The following SLC16A10 variants were observed in gnomAD, a reference collection of about 807,000 sequenced individuals.
SLC16A10 encodes solute carrier family 16 member 10.
SLC16A10 carries 27 observed loss-of-function variants against 40.0 expected under a neutral mutation model. The ratio of observed to expected loss-of-function variants is 0.67; its 90% CI spans 0.50 to 0.93. SLC16A10 has a LOEUF of 0.93. Among genes scored for constraint, SLC16A10 ranks in the 40% least tolerant of loss-of-function variants. SLC16A10 has a pLI of 0.00. For synonymous variants in SLC16A10, 213 were observed against 249.8 expected, an observed-to-expected ratio of 0.85 and a Z score of 1.39; for missense variants, 529 against 658.2, an observed-to-expected ratio of 0.80 and a Z score of 2.15.
chr6:111,186,505 C>T (rs1772900340), intron 3 of SLC16A10, among the ~76,000 whole-genome samples: 1 of 152,104 alleles, frequency 6.6e-6, no homozygotes, highest in African/African-American at 2.4e-5. Flanking sequence ...TGGCTTTTGC[C>T]TGATATTTAC....
Position 111,222,705 on chromosome 6 carries a change from C to T in SLC16A10, c.*470C>T, listed in dbSNP as rs910274138. 1 of 159,942 alleles carries T rather than the reference C, an allele frequency of 6.3e-6. No homozygotes were observed. Among genetic ancestry groups the T allele is most frequent in the African/African-American group, 2.4e-5 (1 of 41,448 alleles). 9.9% of individuals were successfully genotyped at this position (159,942 alleles called of 1,614,324 possible). A position where few individuals can be genotyped will look rare whatever the true frequency, so the allele number is the denominator to read the frequency against. On this transcript the variant is annotated 3_prime_UTR_variant, in exon 6 of 6. Coordinates refer to ENST00000368851, the MANE Select transcript of SLC16A10 (RefSeq NM_018593.5). ...TTTAAGCCTGGGTTCTAGATAATAC[C>T]AGATCTACCTAAACCTCAAGTCTAT...
At chr6:111,165,913 C>G (rs557713498) in intron 1 of SLC16A10, among the ~76,000 whole-genome samples, 2 of 152,308 alleles carry the variant, frequency 1.3e-5, no homozygotes, top group South Asian at 4.1e-4. Context: ...CACGTGGTTA[C>G]AAGGTCAAGC....
intron 1 of SLC16A10, among the ~76,000 whole-genome samples, chr6:111,108,350 A>T (rs1371602822): frequency 1.3e-5 from 2 of 151,942 alleles, no homozygotes; most frequent in Non-Finnish European, 2.9e-5. Context: ...GCTTTATCTG[A>T]CTTCTTTTTC....
At chr6:111,152,736 C>T (rs993430714) in intron 1 of SLC16A10, among the ~76,000 whole-genome samples, 13 of 152,030 alleles carry the variant, frequency 8.6e-5, no homozygotes, top group African/African-American at 1.9e-4. Context: ...TATTGTGGAC[C>T]GAGGGGATAG....
intron 3 of SLC16A10, among the ~76,000 whole-genome samples, chr6:111,200,928 G>A (rs73765934): frequency 0.014 from 2,167 of 152,298 alleles, 49 homozygotes; most frequent in African/African-American, 0.05. Flanking sequence ...GGTATGAATA[G>A]CAGTGAGTAA....
At chr6:111,150,407 T>A (rs1225014548) in intron 1 of SLC16A10, among the ~76,000 whole-genome samples, 1 of 152,212 alleles carries the variant, frequency 6.6e-6, no homozygotes, top group East Asian at 1.9e-4. Flanking sequence ...ACACTTAATA[T>A]ATATGAAGCA....
chr6:111,210,209 G>A (rs354545), intron 4 of SLC16A10, among the ~76,000 whole-genome samples: 75,661 of 151,862 alleles, frequency 0.5, 19,741 homozygotes, highest in East Asian at 0.68. Flanking sequence ...TTTAAGAGAG[G>A]AGGTACCATT....
chr6:111,141,807 A>G (rs950437993), intron 1 of SLC16A10, among the ~76,000 whole-genome samples: 1 of 152,252 alleles, frequency 6.6e-6, no homozygotes, highest in Non-Finnish European at 1.5e-5. Context: ...AAAGAACCAA[A>G]TAAATGGACA....
rs1770919492 is a variant in SLC16A10, at chr6:111,222,537, G to A, written c.*302G>A. 3 of 273,756 alleles carry A rather than the reference G, an allele frequency of 1.1e-5. No individual in the cohort carries two copies. Among genetic ancestry groups the A allele is most frequent in the African/African-American group, 4.6e-5 (2 of 43,322 alleles). The allele number at this position is 273,756 out of a possible 1,614,324, so 17.0% of individuals were successfully genotyped here. ...GGAAACTGTGAATGATCTTTAGCTT[G>A]TACAAATGTTTAAAAATACCTCAGG... On this transcript the variant is annotated 3_prime_UTR_variant, in exon 6 of 6. Transcript: ENST00000368851.
Position 111,087,679 on chromosome 6 carries a change from C to G in SLC16A10, c.-74C>G. The G allele has an allele frequency of 2.3e-6, 2 of 881,966 alleles. No homozygotes were observed. Among genetic ancestry groups the G allele is most frequent in the Non-Finnish European group, 2.9e-6 (2 of 680,372 alleles). The allele number at this position is 881,966 out of a possible 1,614,324, so 54.6% of individuals were successfully genotyped here. A position where few individuals can be genotyped will look rare whatever the true frequency, so the allele number is the denominator to read the frequency against. The stretch of plus-strand genomic sequence containing the variant: ...CCTCGTTAGCCCGCCAGGAGCCCCG[C>G]AGCTCCTCCGGGAGCCCGCTGGTAA... On this transcript the variant is annotated 5_prime_UTR_variant, in exon 1 of 6. Transcript: ENST00000368851.
At chr6:111,122,503 A>G (rs555847447) in intron 1 of SLC16A10, among the ~76,000 whole-genome samples, 1 of 152,208 alleles carries the variant, frequency 6.6e-6, no homozygotes, top group East Asian at 1.9e-4. Context: ...CCTTTAAAGA[A>G]CCCTGTGCTC....
rs1771001262 is a variant in SLC16A10, at chr6:111,226,730, C to A, written c.*4495C>A. On this transcript the variant is annotated 3_prime_UTR_variant, in exon 6 of 6. Transcript: ENST00000368851. Reference sequence around the variant, plus strand: ...ACAATTTAATTAACTCTTAAAAAGACCAGCTTTTTGTCTTGTTATGAAAAC... The same window carrying A: ...ACAATTTAATTAACTCTTAAAAAGAACAGCTTTTTGTCTTGTTATGAAAAC... The A allele has an allele frequency of 6.6e-6, 1 of 152,154 alleles. No homozygotes were observed. The highest frequency in any genetic ancestry group is 1.5e-5 in the Non-Finnish European group (1 of 68,028). The allele number at this position is 152,154 out of a possible 1,614,324, so 9.4% of individuals were successfully genotyped here.
intron 5 of SLC16A10, 55 bp from the exon 6 acceptor site, chr6:111,221,947 GA>G: frequency 6.6e-7 from 1 of 1,515,516 alleles, no homozygotes; most frequent in South Asian, 1.3e-5. Context: ...GGCTGATCTA[GA>G]CCCCCTACAG....
chr6:111,115,674 A>C (rs558941722), intron 1 of SLC16A10, among the ~76,000 whole-genome samples: 1 of 152,220 alleles, frequency 6.6e-6, no homozygotes, highest in Non-Finnish European at 1.5e-5. Context: ...GGTATCTAGA[A>C]AGGGTCAGGA....
intron 3 of SLC16A10, among the ~76,000 whole-genome samples, chr6:111,203,614 C>T (rs1773206670): frequency 6.6e-6 from 1 of 151,864 alleles, no homozygotes; most frequent in South Asian, 2.1e-4. Context: ...CCCAGCCACT[C>T]TGGAGGCTGA....
chr6:111,199,618 A>G (rs1173710147), intron 3 of SLC16A10, among the ~76,000 whole-genome samples: 1 of 152,166 alleles, frequency 6.6e-6, no homozygotes, highest in African/African-American at 2.4e-5. Flanking sequence ...ATTTCAAATT[A>G]CCTAAAAATC....
chr6:111,214,953 A>C (rs1220807660), intron 4 of SLC16A10, among the ~76,000 whole-genome samples: 1 of 152,020 alleles, frequency 6.6e-6, no homozygotes, highest in African/African-American at 2.4e-5. Flanking sequence ...CCCCATCTCT[A>C]CTAAAAATAC....
At chr6:111,097,613 C>G (rs111262375) in intron 1 of SLC16A10, among the ~76,000 whole-genome samples, 15,333 of 152,210 alleles carry the variant, frequency 0.1, 1,018 homozygotes, top group Middle Eastern at 0.17. Flanking sequence ...CATGCCCGGC[C>G]AAGCTTTACT....
At position 111,224,764 on chromosome 6, in the gene SLC16A10, G is replaced by A. The variant is rs1326105639; in HGVS notation, c.*2529G>A. The stretch of plus-strand genomic sequence containing the variant: ...GAAAAATACTAATATAAAAATTTGT[G>A]CTTTAATCTAGTCAAACTAAATCCT... On this transcript the variant is annotated 3_prime_UTR_variant, in exon 6 of 6. Coordinates refer to ENST00000368851, the MANE Select transcript of SLC16A10 (RefSeq NM_018593.5). 1 of 152,166 alleles carries A rather than the reference G, an allele frequency of 6.6e-6. No individual in the cohort carries two copies. Among genetic ancestry groups the A allele is most frequent in the East Asian group, 1.9e-4 (1 of 5,204 alleles). The allele number at this position is 152,166 out of a possible 1,614,324, so 9.4% of individuals were successfully genotyped here. A position where few individuals can be genotyped will look rare whatever the true frequency, so the allele number is the denominator to read the frequency against.
Sources: allele counts gnomAD v4.1 joint callset (sites outside exome capture counted in the v4.1 genomes callset), GRCh38; gene constraint gnomAD v4.1.1; transcripts MANE v1.5; gene names NCBI Gene and HGNC (gene_info 2026-07-23, HGNC 2026-07-21).